The following RYR2 variants were observed in gnomAD, a reference collection of about 807,000 sequenced individuals.
RYR2 encodes cardiac muscle ryanodine receptor-calcium release channel.
A neutral mutation model predicts 601.1 loss-of-function variants in RYR2; 227 were observed. The ratio of observed to expected loss-of-function variants is 0.38; its 90% CI spans 0.34 to 0.42. RYR2 has a LOEUF of 0.42. RYR2 is among the 10% of genes least tolerant of loss of function. The pLI is 1.00. For missense variants in RYR2, 4,646 were observed against 6,156.5 expected (o/e 0.75, Z 8.21); for synonymous variants, 2,223 against 2,175.1 (o/e 1.02, Z -0.61).
At chr1:237,516,595 G>A (rs947988700) in intron 24 of RYR2, among the ~76,000 whole-genome samples, 24 of 152,262 alleles carry the variant, frequency 1.6e-4, no homozygotes, top group African/African-American at 5.3e-4. Context: ...TCTGAGTGAC[G>A]GAATTGTTTG....
intron 54 of RYR2, 136 bp from the exon 55 acceptor site, chr1:237,659,849 A>T (rs1423984743): frequency 2.0e-6 from 1 of 493,104 alleles, no homozygotes; most frequent in South Asian, 4.0e-5. Flanking sequence ...CTTATGCTGG[A>T]TAAAATTTCA....
chr1:237,435,103 A>G (rs1045659931), intron 12 of RYR2, among the ~76,000 whole-genome samples: 1 of 152,124 alleles, frequency 6.6e-6, no homozygotes, highest in Non-Finnish European at 1.5e-5. Flanking sequence ...CATTTTTACT[A>G]TATTATTTTT....
chr1:237,507,909 G>C (rs987201564), intron 23 of RYR2, among the ~76,000 whole-genome samples: 1 of 152,236 alleles, frequency 6.6e-6, no homozygotes, highest in South Asian at 2.1e-4. Context: ...ATGATAGTTA[G>C]ACATTTGTTA....
chr1:237,759,707 GTTGT>G, intron 82 of RYR2, 65 bp from the exon 83 acceptor site: 1 of 930,260 alleles, frequency 1.1e-6, no homozygotes, highest in Non-Finnish European at 1.8e-6. Flanking sequence ...GCCTGTTTTG[GTTGT>G]TTATTTATTT....
intron 97 of RYR2, among the ~76,000 whole-genome samples, chr1:237,800,987 A>G (rs1659891544): frequency 6.6e-6 from 1 of 152,192 alleles, no homozygotes. Context: ...GGGAAGGGCT[A>G]AATTCCTGCC....
chr1:237,097,145 A>G (rs981035351), intron 1 of RYR2, among the ~76,000 whole-genome samples: 26 of 152,186 alleles, frequency 1.7e-4, no homozygotes, highest in Non-Finnish European at 1.0e-4. Context: ...TATGATTCAA[A>G]TATTCCAATG....
intron 17 of RYR2, among the ~76,000 whole-genome samples, chr1:237,481,107 C>CATATAT (rs376529507): frequency 1.4e-5 from 2 of 143,058 alleles, no homozygotes; most frequent in Non-Finnish European, 3.1e-5. Context: ...TGTATATATA[C>CATATAT]ATATATATAT....
intron 29 of RYR2, among the ~76,000 whole-genome samples, chr1:237,581,306 G>A (rs1673893848): frequency 6.6e-6 from 1 of 152,086 alleles, no homozygotes; most frequent in Non-Finnish European, 1.5e-5. Flanking sequence ...GCCCATGATG[G>A]TTATAATCAA....
chr1:237,109,335 G>A (rs1217462112), intron 1 of RYR2, among the ~76,000 whole-genome samples: 1 of 118,208 alleles, frequency 8.5e-6, no homozygotes, highest in Non-Finnish European at 1.9e-5. Context: ...CTTAGAAGAT[G>A]GTAAAGCTGG....
intron 3 of RYR2, among the ~76,000 whole-genome samples, chr1:237,337,643 G>T (rs886233553): frequency 2.0e-5 from 3 of 152,058 alleles, no homozygotes; most frequent in Admixed American, 2.0e-4. Context: ...TAGAACAATC[G>T]TGGCATGCAA....
At chr1:237,148,553 T>TATATATATATATATACATAC (rs71178397) in intron 1 of RYR2, among the ~76,000 whole-genome samples, 7 of 105,700 alleles carry the variant, frequency 6.6e-5, no homozygotes, top group African/African-American at 2.4e-4. Context: ...TATATATATA[T>TATATATATATATATACATAC]ACACACACAC....
At chr1:237,671,099 A>T (rs968617723) in intron 58 of RYR2, among the ~76,000 whole-genome samples, 4 of 152,190 alleles carry the variant, frequency 2.6e-5, no homozygotes, top group African/African-American at 9.7e-5. Context: ...GTGGCAGCAG[A>T]CTAAGTGGTG....
chr1:237,341,633 T>C (rs760209125), intron 3 of RYR2: 1 of 516,674 alleles, frequency 1.9e-6, no homozygotes. Context: ...ACAATGCATG[T>C]TATGTACTAG....
chr1:237,652,435 G>C (rs2148810496), intron 51 of RYR2, among the ~76,000 whole-genome samples: 1 of 152,152 alleles, frequency 6.6e-6, no homozygotes, highest in East Asian at 1.9e-4. Context: ...GATTTTTATA[G>C]ATGACCACTC....
intron 1 of RYR2, among the ~76,000 whole-genome samples, chr1:237,058,908 T>C (rs1662512766): frequency 6.6e-6 from 1 of 152,170 alleles, no homozygotes; most frequent in Non-Finnish European, 1.5e-5. Flanking sequence ...ACCTGCCATA[T>C]CTACTGCTTA....
intron 99 of RYR2, among the ~76,000 whole-genome samples, chr1:237,807,011 C>T (rs977964119): frequency 4.6e-5 from 7 of 152,170 alleles, no homozygotes; most frequent in African/African-American, 1.7e-4. Context: ...CCTTCATTTC[C>T]AGAGTCTTGT....
At chr1:237,550,088 G>A (rs1448142027) in intron 26 of RYR2, among the ~76,000 whole-genome samples, 2 of 152,212 alleles carry the variant, frequency 1.3e-5, no homozygotes, top group African/African-American at 4.8e-5. Context: ...ACATAGAAGG[G>A]TGGTCCATAA....
intron 1 of RYR2, among the ~76,000 whole-genome samples, chr1:237,172,574 T>C (rs1558364463): frequency 6.6e-6 from 1 of 152,142 alleles, no homozygotes. Flanking sequence ...TAGCACACTT[T>C]TATTAGGAGG....
chr1:237,401,339 C>T (rs529408700), intron 10 of RYR2, among the ~76,000 whole-genome samples: 2 of 152,342 alleles, frequency 1.3e-5, no homozygotes, highest in African/African-American at 2.4e-5. Flanking sequence ...AAAACTGCCT[C>T]TATCTCAGAT....
Sources: allele counts gnomAD v4.1 joint callset (sites outside exome capture counted in the v4.1 genomes callset), GRCh38; gene constraint gnomAD v4.1.1; transcripts MANE v1.5; gene names NCBI Gene and HGNC (gene_info 2026-07-23, HGNC 2026-07-21).